PHKA2: variants seen among roughly 807,000 people sequenced by gnomAD.
PHKA2 encodes phosphorylase b kinase regulatory subunit alpha, liver isoform.
A neutral mutation model predicts 102.0 loss-of-function variants in PHKA2; 31 were observed. The ratio of observed to expected loss-of-function variants is 0.30; its 90% confidence interval spans 0.23 to 0.41. PHKA2 has a LOEUF of 0.41. Ranked by LOEUF, PHKA2 falls within the 10% of genes least tolerant of loss-of-function variation. The pLI is 1.00. For synonymous variants in PHKA2, 455 were observed against 416.2 expected, an observed-to-expected ratio of 1.09 and a Z score of -1.13; for missense variants, 858 against 1,023.1, an observed-to-expected ratio of 0.84 and a Z score of 2.20.
rs775172902 is a variant in PHKA2, at chrX:18,897,148, C to T, written c.3282+15G>A. ...GGGACGGTTCACTTCCCCAGGAGCTCGCGTCTCGGCTTACCTTCTGGAGGA... is the reference window on the plus strand; with the variant it reads ...GGGACGGTTCACTTCCCCAGGAGCTTGCGTCTCGGCTTACCTTCTGGAGGA... On this transcript the variant is annotated intron_variant, in intron 30 of 32. Transcript: ENST00000379942. 3.6e-5 allele frequency: 43 copies of T among 1,208,116 alleles called. No individual in the cohort carries two copies. In the Admixed American group the frequency reaches 6.5e-4, roughly 18 times the overall value.
Position 18,905,236 on chromosome X carries a change from C to T in PHKA2, c.2908+522G>A, listed in dbSNP as rs187540921. Among the ~76,000 whole-genome samples the T allele has an allele frequency of 7.5e-3, 844 of 112,430 alleles. 10 individuals carry two copies. Among genetic ancestry groups the T allele is most frequent in the African/African-American group, 0.025 (785 of 31,007 alleles). ...TCGCCCAGGCTGGAGCGCAGTGGCG[C>T]GATCTCAGCTCACTGTAACCTCCAC... On this transcript the variant is annotated intron_variant, in intron 26 of 32. Coordinates refer to ENST00000379942, the MANE Select transcript of PHKA2 (RefSeq NM_000292.3).
intron 26 of PHKA2, among the ~76,000 whole-genome samples, chrX:18,902,077 G>A (rs1354168372): frequency 9.0e-6 from 1 of 111,122 alleles, no homozygotes; most frequent in Non-Finnish European, 1.9e-5. Flanking sequence ...TCCTGACCTT[G>A]TGATCCGCCC....
chrX:18,904,756 GT>G (rs1215844702), intron 26 of PHKA2, among the ~76,000 whole-genome samples: 1 of 112,048 alleles, frequency 8.9e-6, no homozygotes, highest in East Asian at 2.8e-4. Flanking sequence ...AGTACCCAAT[GT>G]CCTTCTTATT....
At chrX:18,903,866 G>T (rs1029155184) in intron 26 of PHKA2, among the ~76,000 whole-genome samples, 1 of 111,997 alleles carries the variant, frequency 8.9e-6, no homozygotes, top group Non-Finnish European at 1.9e-5. Flanking sequence ...AAGCCTCCCA[G>T]GTCTAGCTGT....
chrX:18,900,781 C>A (rs1488916601), intron 27 of PHKA2, 82 bp from the exon 28 acceptor site: 1 of 906,245 alleles, frequency 1.1e-6, no homozygotes, highest in East Asian at 3.1e-5. Flanking sequence ...CTCTCTTAAT[C>A]CAGGGCCGTG....
chrX:18,909,519 G>T lies in PHKA2; in HGVS notation c.2227-585C>A, dbSNP rs899821634. Among the ~76,000 whole-genome samples, 5 of 112,089 alleles carry T rather than the reference G, an allele frequency of 4.5e-5. No homozygotes were observed. The South Asian group carries it at 1.9e-3, about 42-fold the overall frequency. Reference sequence around the variant, plus strand: ...CGTGAAAATAGCCCATATCACCAGAGCCCAGGAACTGGGGGCGGCAATGGA... The same window carrying T: ...CGTGAAAATAGCCCATATCACCAGATCCCAGGAACTGGGGGCGGCAATGGA... On this transcript the variant is annotated intron_variant, in intron 20 of 32. Coordinates refer to ENST00000379942, the MANE Select transcript of PHKA2 (RefSeq NM_000292.3).
chrX:18,971,342 G>A (rs751285349), intron 1 of PHKA2, among the ~76,000 whole-genome samples: 9 of 111,873 alleles, frequency 8.0e-5, no homozygotes, highest in African/African-American at 1.6e-4. Context: ...CTTTTAGCCC[G>A]TTTGCTTTCT....
At chrX:18,951,882 T>G (rs1422493428) in intron 3 of PHKA2, among the ~76,000 whole-genome samples, 1 of 110,234 alleles carries the variant, frequency 9.1e-6, no homozygotes, top group Non-Finnish European at 1.9e-5. Context: ...CATGATGGAA[T>G]AAACAATAAT....
At position 18,918,864 on chromosome X, in the gene PHKA2, G is replaced by A. The variant is rs2048065679; in HGVS notation, c.1964-10C>T. On this transcript the variant is annotated splice_polypyrimidine_tract_variant and intron_variant, in intron 18 of 32. Transcript: ENST00000379942. ...AGTTCGTCTTGGCTTTCTGTAATTG[G>A]ACAAGCAAGAAAAAGAGCCAATGAA... The A allele has an allele frequency of 1.7e-6, 2 of 1,206,084 alleles. No homozygotes were observed. The highest frequency in any genetic ancestry group is 2.3e-4 in the Middle Eastern group (1 of 4,338).
intron 32 of PHKA2, 43 bp downstream of exon 32, chrX:18,894,161 A>C (rs370595311): frequency 1.6e-5 from 18 of 1,108,231 alleles, no homozygotes; most frequent in Non-Finnish European, 2.2e-5. Context: ...TCCAGCCTCA[A>C]CAGAGATAAA....
At chrX:18,934,501 G>A (rs1480469175) in intron 11 of PHKA2, among the ~76,000 whole-genome samples, 2 of 111,998 alleles carry the variant, frequency 1.8e-5, no homozygotes, top group Admixed American at 9.5e-5. Flanking sequence ...ACCTCAAGGG[G>A]CCCAGTGAAC....
chrX:18,956,493 C>T (rs1420132083), intron 1 of PHKA2, among the ~76,000 whole-genome samples: 1 of 111,889 alleles, frequency 8.9e-6, no homozygotes, highest in African/African-American at 3.2e-5. Context: ...CAGCAGTGAT[C>T]GCTTACACAT....
chrX:18,916,231 A>G (rs1163662055), intron 19 of PHKA2, among the ~76,000 whole-genome samples: 1 of 112,064 alleles, frequency 8.9e-6, no homozygotes, highest in Non-Finnish European at 1.9e-5. Flanking sequence ...CCTGGCCAAC[A>G]CGGTGAAACC....
chrX:18,906,641 C>T lies in PHKA2; in HGVS notation c.2677-17G>A, dbSNP rs755254108. The T allele has an allele frequency of 3.4e-5, 41 of 1,195,383 alleles. No homozygotes were observed. The highest frequency in any genetic ancestry group is 3.2e-4 in the South Asian group (18 of 56,534). On this transcript the variant is annotated splice_polypyrimidine_tract_variant and intron_variant, in intron 24 of 32. Transcript: ENST00000379942. ...CACAATCTCCTGAGGCAGACACACA[C>T]GGAGATAGGGTTTCAGAGACAGGGT... is the stretch of plus-strand genomic sequence containing the variant.
intron 1 of PHKA2, among the ~76,000 whole-genome samples, chrX:18,965,527 G>A (rs1191453822): frequency 9.0e-6 from 1 of 111,221 alleles, no homozygotes; most frequent in African/African-American, 3.3e-5. Context: ...CTACAATAGG[G>A]CTCTTAACCT....
At position 18,931,732 on chromosome X, in the gene PHKA2, T is replaced by C. The variant is rs766411994; in HGVS notation, c.1154A>G (p.Lys385Arg). ...VPPNKVDEEY[K>R]NPHTVDRVPM... ...AACTCGGTCTACTGTGTGAGGATTCTTGTACTCTTCATCTACCTGGAAAGA... is the reference window on the plus strand; with the variant it reads ...AACTCGGTCTACTGTGTGAGGATTCCTGTACTCTTCATCTACCTGGAAAGA... The change falls in exon 12 of 33, where the codon AAG becomes AGG. Residue 385 changes from lysine to arginine, a missense_variant. Around this residue, in one of 2 missense-constraint regions of PHKA2, gnomAD observed 671 missense variants for 745.2 expected, o/e 0.90. Coordinates refer to ENST00000379942, the MANE Select transcript of PHKA2 (RefSeq NM_000292.3). 7 of 1,184,735 alleles carry C rather than the reference T, an allele frequency of 5.9e-6. No homozygotes were observed. The East Asian group carries it at 1.2e-4, about 20-fold the overall frequency.
rs146146284 is a variant in PHKA2 at position 18,894,348 on chromosome X, C to G, written c.3393G>C (p.Val1131=). 88 of 1,210,240 alleles carry G rather than the reference C, an allele frequency of 7.3e-5. No individual in the cohort carries two copies. The highest frequency in any genetic ancestry group is 9.7e-5 in the Non-Finnish European group (87 of 895,152). Residue 1131 remains valine (V), a synonymous_variant, in exon 32 of 33, where the codon GTG becomes GTC. Coordinates refer to ENST00000379942, the MANE Select transcript of PHKA2 (RefSeq NM_000292.3). ...GCAGCTGCCGGTACTCGGGCTGCGG[C>G]ACGCGGTTCAGCACCGATTCGACAT... ...AVHVESVLNR[V]PQPEYRQLLV...
chrX:18,930,079 G>T (rs936462082), intron 12 of PHKA2, among the ~76,000 whole-genome samples: 2 of 112,399 alleles, frequency 1.8e-5, no homozygotes, highest in Non-Finnish European at 3.8e-5. Context: ...ATATTTTGTT[G>T]AAACTATGCA....
intron 3 of PHKA2, among the ~76,000 whole-genome samples, chrX:18,951,590 G>A (rs1412089935): frequency 9.0e-6 from 1 of 111,395 alleles, no homozygotes; most frequent in Non-Finnish European, 1.9e-5. Context: ...GAGGGAAGAA[G>A]GGAGAAAAGG....
Sources: allele counts gnomAD v4.1 joint callset (sites outside exome capture counted in the v4.1 genomes callset), GRCh38; gene constraint gnomAD v4.1.1; regional missense constraint gnomAD v4.1.1; transcripts MANE v1.5; gene names NCBI Gene and HGNC (gene_info 2026-07-23, HGNC 2026-07-21).